PRELID2: variants seen among roughly 807,000 people sequenced by gnomAD.
The protein encoded by PRELID2 is PRELI domain-containing protein 2.
A neutral mutation model predicts 28.4 loss-of-function variants in PRELID2; 25 were observed. The ratio of observed to expected loss-of-function variants is 0.88; its 90% CI spans 0.64 to 1.23. The LOEUF (loss-of-function observed/expected upper bound fraction) is 1.23, where lower values mean the gene tolerates loss of function less well. Ranked by LOEUF, PRELID2 falls within the 50% of genes most tolerant of loss-of-function variation. PRELID2 has a pLI of 0.00. For synonymous variants in PRELID2, 76 were observed against 71.6 expected (o/e 1.06, Z -0.31); for missense variants, 201 against 214.4 (o/e 0.94, Z 0.39).
chr5:145,366,168 T>G, the PRELID2 span, among the ~76,000 whole-genome samples: 58 of 151,960 alleles, frequency 3.8e-4, no homozygotes, highest in African/African-American at 1.3e-3. Context: ...GTTTCACAAT[T>G]ATTAGACAAG....
chr5:145,348,250 G>A, the PRELID2 span, among the ~76,000 whole-genome samples: 1 of 152,078 alleles, frequency 6.6e-6, no homozygotes, highest in Non-Finnish European at 1.5e-5. Flanking sequence ...TTATGCAGAA[G>A]TCCATCAAAA....
At chr5:145,354,827 A>C in the PRELID2 span, among the ~76,000 whole-genome samples, 1 of 152,148 alleles carries the variant, frequency 6.6e-6, no homozygotes, top group Non-Finnish European at 1.5e-5. Flanking sequence ...GCAGGGGGAG[A>C]TTAGTGGAAC....
intron 1 of PRELID2, among the ~76,000 whole-genome samples, chr5:145,739,707 T>C (rs1203187256): frequency 1.3e-5 from 2 of 151,514 alleles, no homozygotes; most frequent in African/African-American, 2.4e-5. Flanking sequence ...CAGGAGAGGG[T>C]AGTAATGCAA....
chr5:145,280,485 A>T, the PRELID2 span, among the ~76,000 whole-genome samples: 1 of 152,112 alleles, frequency 6.6e-6, no homozygotes, highest in Non-Finnish European at 1.5e-5. Context: ...ATATAGATGC[A>T]TGTGAGTGTC....
At chr5:145,563,281 C>G (rs762846210) in intron 1 of PRELID2, among the ~76,000 whole-genome samples, 1 of 152,168 alleles carries the variant, frequency 6.6e-6, no homozygotes, top group Admixed American at 6.5e-5. Context: ...CACCCACAGA[C>G]GGGACCTCCT....
chr5:145,797,501 T>C (rs1440312215), intron 4 of PRELID2, among the ~76,000 whole-genome samples: 2 of 151,952 alleles, frequency 1.3e-5, no homozygotes, highest in African/African-American at 2.4e-5. Flanking sequence ...TGACTCAGAG[T>C]GCTAAAGGAA....
intron 1 of PRELID2, among the ~76,000 whole-genome samples, chr5:145,696,049 T>C (rs922561406): frequency 1.3e-4 from 20 of 152,160 alleles, no homozygotes; most frequent in African/African-American, 4.8e-4. Context: ...ATATAACTCT[T>C]TCTAAATATG....
chr5:145,304,699 A>G, the PRELID2 span, among the ~76,000 whole-genome samples: 1 of 152,142 alleles, frequency 6.6e-6, no homozygotes, highest in Non-Finnish European at 1.5e-5. Flanking sequence ...TATTAAAATT[A>G]TATCAATGCT....
chr5:145,647,138 G>A (rs1028685424), intron 1 of PRELID2, among the ~76,000 whole-genome samples: 7 of 152,214 alleles, frequency 4.6e-5, no homozygotes, highest in Non-Finnish European at 8.8e-5. Context: ...TTCTCCAGGT[G>A]CTCTGTCCCA....
At chr5:145,539,616 C>T (rs995365644) in intron 1 of PRELID2, among the ~76,000 whole-genome samples, 1 of 151,656 alleles carries the variant, frequency 6.6e-6, no homozygotes, top group Non-Finnish European at 1.5e-5. Context: ...TTATGTCTGG[C>T]ACAAATACAT....
chr5:145,719,270 C>G (rs967452376), intron 1 of PRELID2, among the ~76,000 whole-genome samples: 1 of 151,742 alleles, frequency 6.6e-6, no homozygotes, highest in African/African-American at 2.4e-5. Context: ...AAAGAGAAGG[C>G]CTATACTAAT....
the PRELID2 span, among the ~76,000 whole-genome samples, chr5:145,421,620 CTCT>C: frequency 7.2e-6 from 1 of 138,322 alleles, no homozygotes; most frequent in African/African-American, 2.6e-5. Flanking sequence ...TGATTCTTCT[CTCT>C]TTTTTTCTTT....
At chr5:145,516,187 G>A (rs10223137) in intron 1 of PRELID2, among the ~76,000 whole-genome samples, 1 of 151,708 alleles carries the variant, frequency 6.6e-6, no homozygotes, top group Non-Finnish European at 1.5e-5. Flanking sequence ...AATGGGAAGA[G>A]AGGAAGTCAA....
At chr5:145,800,550 T>G (rs553309091) in intron 4 of PRELID2, among the ~76,000 whole-genome samples, 5 of 152,288 alleles carry the variant, frequency 3.3e-5, no homozygotes, top group Admixed American at 1.3e-4. Flanking sequence ...TTGGGAGAGA[T>G]GAACTCTTCA....
chr5:145,597,947 A>G (rs78675651), intron 1 of PRELID2, among the ~76,000 whole-genome samples: 10,868 of 152,266 alleles, frequency 0.071, 580 homozygotes, highest in Admixed American at 0.18. Flanking sequence ...CATAAAAACT[A>G]TGCATCAAAA....
At chr5:145,589,133 T>C (rs1288817444) in intron 1 of PRELID2, among the ~76,000 whole-genome samples, 2 of 150,632 alleles carry the variant, frequency 1.3e-5, no homozygotes, top group Non-Finnish European at 2.9e-5. Context: ...TTTAAAATTC[T>C]CTGTGTGCCT....
chr5:145,691,687 C>T (rs1034093329), intron 1 of PRELID2, among the ~76,000 whole-genome samples: 28 of 152,156 alleles, frequency 1.8e-4, no homozygotes, highest in African/African-American at 6.5e-4. Flanking sequence ...CACTGCACTC[C>T]AGCCTGGGCG....
intron 1 of PRELID2, among the ~76,000 whole-genome samples, chr5:145,745,401 A>G (rs1019334772): frequency 1.3e-5 from 2 of 152,174 alleles, no homozygotes; most frequent in Non-Finnish European, 2.9e-5. Flanking sequence ...CTCAAGACAC[A>G]TAATTATCAG....
chr5:145,689,059 C>T (rs1258919888), intron 1 of PRELID2, among the ~76,000 whole-genome samples: 1 of 152,188 alleles, frequency 6.6e-6, no homozygotes, highest in Non-Finnish European at 1.5e-5. Context: ...GCAGCTACTA[C>T]TTCAATGGCT....
Sources: gnomAD v4.1 joint callset for allele counts (sites outside exome capture counted in the v4.1 genomes callset) on GRCh38, gnomAD v4.1.1 for gene constraint, MANE v1.5 for transcripts, NCBI Gene and HGNC (gene_info 2026-07-23, HGNC 2026-07-21) for gene names.